Variants in FAM47E observed in about 807,000 individuals in gnomAD.
FAM47E encodes family with sequence similarity 47 member E.
A neutral mutation model predicts 41.6 loss-of-function variants in FAM47E; 32 were observed. That is an observed-to-expected ratio of 0.77 (90% CI 0.58 to 1.03). FAM47E has a LOEUF of 1.03. Ranked by LOEUF, FAM47E falls within the 50% of genes least tolerant of loss-of-function variation. FAM47E has a pLI of 0.00. For missense variants in FAM47E, 424 were observed against 485.4 expected (o/e 0.87, Z 1.19); for synonymous variants, 184 against 188.7 (o/e 0.98, Z 0.20).
At chr4:76,280,442 T>G in intron 7 of FAM47E, 101 bp downstream of exon 7, 3 of 641,576 alleles carry the variant, frequency 4.7e-6, no homozygotes, top group Non-Finnish European at 8.1e-6. Context: ...AATAGTTCTC[T>G]TACAGGCACA....
intron 1 of FAM47E, among the ~76,000 whole-genome samples, chr4:76,252,298 T>C (rs1438747913): frequency 6.6e-6 from 1 of 152,142 alleles, no homozygotes; most frequent in African/African-American, 2.4e-5. Context: ...CCTGGGGTGC[T>C]AGGGAGGTCT....
chr4:76,218,190 G>A (rs1733247506), intron 2 of FAM47E, among the ~76,000 whole-genome samples: 1 of 152,186 alleles, frequency 6.6e-6, no homozygotes, highest in Admixed American at 6.5e-5. Context: ...ACTTCTAAAA[G>A]TCTTGGCTTT....
intron 2 of FAM47E, among the ~76,000 whole-genome samples, chr4:76,226,510 G>A (rs1255181585): frequency 6.6e-6 from 1 of 152,204 alleles, no homozygotes; most frequent in East Asian, 1.9e-4. Context: ...AAGCCACAAG[G>A]GGTTTTATGC....
intron 3 of FAM47E, among the ~76,000 whole-genome samples, chr4:76,266,120 A>C (rs1734623311): frequency 6.6e-6 from 1 of 152,136 alleles, no homozygotes; most frequent in Admixed American, 6.5e-5. Context: ...TCTTTCTCAT[A>C]ACACTTTCTT....
At chr4:76,217,535 G>T (rs936575909) in intron 1 of FAM47E, 1 of 439,016 alleles carries the variant, frequency 2.3e-6, no homozygotes, top group South Asian at 5.6e-5. Flanking sequence ...CTTCCTCTCT[G>T]CCCATGTGCC....
chr4:76,280,340 G>T lies in FAM47E; in HGVS notation c.1103G>T (p.Arg368Leu), dbSNP rs1350154584. 3 of 1,527,746 alleles carry T rather than the reference G, an allele frequency of 2.0e-6. No individual in the cohort carries two copies. In the Admixed American group the frequency reaches 6.0e-5, roughly 30 times the overall value. 94.6% of individuals were successfully genotyped at this position (1,527,746 alleles called of 1,614,324 possible). ...FILSRGYRTP[R>L]FLENMYIGKE... ...CTAAGCAGGGGCTACAGGACGCCAC[G>T]TGTGAGTAAAGGGTCCTTTCAGAAG... Residue 368 changes from arginine to leucine, a missense_variant and splice_region_variant, in exon 7 of 8, where the codon CGT (arginine) becomes CTT (leucine). Coordinates refer to ENST00000424749, the MANE Select transcript of FAM47E (RefSeq NM_001136570.3).
At chr4:76,241,471 T>C (rs1404615816) in intron 2 of FAM47E, among the ~76,000 whole-genome samples, 1 of 152,212 alleles carries the variant, frequency 6.6e-6, no homozygotes, top group Non-Finnish European at 1.5e-5. Flanking sequence ...TTTTTTTTTT[T>C]CAACCTTGAT....
intron 3 of FAM47E, among the ~76,000 whole-genome samples, chr4:76,267,218 T>C (rs112907751): frequency 0.012 from 1,755 of 152,288 alleles, 27 homozygotes; most frequent in African/African-American, 0.04. Context: ...GATAAATTAA[T>C]ATGAGTGTTA....
intron 2 of FAM47E, among the ~76,000 whole-genome samples, chr4:76,226,718 T>C (rs1578752007): frequency 6.6e-6 from 1 of 152,212 alleles, no homozygotes; most frequent in Admixed American, 6.5e-5. Context: ...TACTGGTCTG[T>C]TCAGAGTTTC....
chr4:76,247,910 C>CTTTTTTTTTTTTTTTTTTTTTTTT (rs753751295), upstream of FAM47E, among the ~76,000 whole-genome samples: 1 of 86,844 alleles, frequency 1.2e-5, no homozygotes, highest in Non-Finnish European at 2.1e-5. Context: ...CACTCTCTCT[C>CTTTTTTTTTTTTTTTTTTTTTTTT]TTTTTTTTTT....
chr4:76,214,377 A>G, exon 1 of FAM47E: 1 of 442,900 alleles, frequency 2.3e-6, no homozygotes, highest in Non-Finnish European at 4.5e-6. Context: ...GCAAGAATGG[A>G]AGATGTGCAA....
intron 2 of FAM47E, among the ~76,000 whole-genome samples, chr4:76,237,453 T>A (rs1308832211): frequency 6.7e-6 from 1 of 150,340 alleles, no homozygotes; most frequent in Non-Finnish European, 1.5e-5. Context: ...GGACTCAGAG[T>A]TAATTTTAGT....
At chr4:76,263,603 A>G (rs957440494) in intron 2 of FAM47E, 101 bp from the exon 3 acceptor site, 23 of 1,433,540 alleles carry the variant, frequency 1.6e-5, no homozygotes, top group Non-Finnish European at 2.1e-5. Context: ...GATGGACTGA[A>G]AAGGAAAAGT....
intron 2 of FAM47E, among the ~76,000 whole-genome samples, chr4:76,218,585 G>T (rs770468968): frequency 1.3e-5 from 2 of 152,126 alleles, no homozygotes; most frequent in African/African-American, 2.4e-5. Flanking sequence ...GTTTGTTTTG[G>T]TTTGGTTTGG....
chr4:76,237,365 G>GTTTT (rs1560733023), intron 2 of FAM47E, among the ~76,000 whole-genome samples: 1 of 71,690 alleles, frequency 1.4e-5, no homozygotes, highest in African/African-American at 4.6e-5. Flanking sequence ...TTTTTTTTTT[G>GTTTT]TTTGTTTGTT....
At chr4:76,278,611 C>A in intron 6 of FAM47E, 1 of 258,116 alleles carries the variant, frequency 3.9e-6, no homozygotes, top group Non-Finnish European at 7.2e-6. Context: ...TGTTTCCTAT[C>A]AGCTATGGGT....
At chr4:76,262,212 C>CCATACTTCT (rs1734448188) in intron 2 of FAM47E, among the ~76,000 whole-genome samples, 1 of 152,002 alleles carries the variant, frequency 6.6e-6, no homozygotes, top group Non-Finnish European at 1.5e-5. Context: ...AAGAGCAGTG[C>CCATACTTCT]ATGTAGAAAA....
At chr4:76,240,923 G>T (rs999149653) in intron 2 of FAM47E, among the ~76,000 whole-genome samples, 7 of 151,846 alleles carry the variant, frequency 4.6e-5, no homozygotes, top group Non-Finnish European at 1.0e-4. Context: ...GTTTCTGTTG[G>T]TTTATTTTTT....
exon 1 of FAM47E, chr4:76,214,182 C>T (rs1408293911): frequency 6.6e-6 from 3 of 452,926 alleles, no homozygotes; most frequent in African/African-American, 4.0e-5. Flanking sequence ...GGACATTCCC[C>T]TGCTCTAGAG....
Sources: gnomAD v4.1 joint callset for allele counts (sites outside exome capture counted in the v4.1 genomes callset) on GRCh38, gnomAD v4.1.1 for gene constraint, MANE v1.5 for transcripts, NCBI Gene and HGNC (gene_info 2026-07-23, HGNC 2026-07-21) for gene names.